The following ANKRD35 variants were observed in gnomAD, a reference collection of about 807,000 sequenced individuals.
The protein encoded by ANKRD35 is ankyrin repeat domain 35.
Under a neutral mutation model 109.9 loss-of-function variants are expected in ANKRD35, and 102 were observed. The observed-to-expected ratio is 0.93, with a 90% CI of 0.79 to 1.09. The LOEUF is 1.09. Among genes scored for constraint, ANKRD35 ranks in the 50% least tolerant of loss-of-function variants. The pLI, the probability that ANKRD35 is intolerant of heterozygous loss-of-function variation, is 0.00. For missense variants in ANKRD35, 1,240 were observed against 1,230.1 expected (o/e 1.01, Z -0.12); for synonymous variants, 515 against 512.4 (o/e 1.01, Z -0.07).
chr1:145,868,189 T>C, intron 11 of ANKRD35, 122 bp downstream of exon 11: 1 of 1,461,746 alleles, frequency 6.8e-7, no homozygotes. Flanking sequence ...GACCACTGCC[T>C]AGCCAGGCCT....
chr1:145,874,360 A>G (rs1553739651), intron 8 of ANKRD35, among the ~76,000 whole-genome samples, 168 bp from the exon 9 acceptor site: 1 of 152,202 alleles, frequency 6.6e-6, no homozygotes, highest in Non-Finnish European at 1.5e-5. Flanking sequence ...ATCCCTAACT[A>G]TCCAGCAACT....
rs782659465 is a variant in ANKRD35, at chr1:145,872,815, G to T, written c.1954C>A (p.Leu652Met). ...QRELQSLSQR[L>M]QREFVPKPQA... ...GGCTTGGGCACAAACTCCCGCTGCA[G>T]CCGCTGGCTCAGGGACTGTAGCTCC... Residue 652 changes from leucine (L) to methionine (M), a missense_variant, in exon 10 of 14, where the codon CTG becomes ATG. Physicochemically the swap from Leu to Met is conservative, Grantham distance 15. Coordinates refer to ENST00000355594, the MANE Select transcript of ANKRD35 (RefSeq NM_144698.5). The T allele has an allele frequency of 2.4e-5, 38 of 1,613,896 alleles. No individual in the cohort carries two copies. The highest frequency in any genetic ancestry group is 3.0e-5 in the Non-Finnish European group (35 of 1,179,958).
chr1:145,876,072 T>C, intron 7 of ANKRD35, 68 bp downstream of exon 7: 2 of 1,361,650 alleles, frequency 1.5e-6, no homozygotes, highest in South Asian at 2.4e-5. Flanking sequence ...CACACACACG[T>C]TGCCCACTGG....
Position 145,876,251 on chromosome 1 carries a change from AC to A in ANKRD35, c.454-6del. 1.2e-6 allele frequency: 2 copies of A among 1,609,316 alleles called. No individual in the cohort carries two copies. Among genetic ancestry groups the A allele is most frequent in the Non-Finnish European group, 1.7e-6 (2 of 1,176,326 alleles). On this transcript the variant is annotated splice_region_variant and splice_polypyrimidine_tract_variant and intron_variant, in intron 6 of 13. Coordinates refer to ENST00000355594, the MANE Select transcript of ANKRD35 (RefSeq NM_144698.5). ...CATCAGGGGTGTACGTCCATCCTGC[AC>A]AGATTGTAGGAAGAGGTTCATGAGC...
rs150752253 is a variant in ANKRD35, at chr1:145,876,222, C to G, written c.478G>C (p.Ala160Pro). ...DNDGRTPLMI[A>P]SLGGHAAICS... ...ATAGCTGCGTGCCCACCCAGCGATG[C>G]GATCATCAGGGGTGTACGTCCATCC... The change falls in exon 7 of 14, where the codon GCA becomes CCA. Residue 160 changes from alanine to proline, a missense_variant. By Grantham distance (27) the Ala-to-Pro change is conservative (BLOSUM62 -1). Coordinates refer to ENST00000355594, the MANE Select transcript of ANKRD35 (RefSeq NM_144698.5). 3.1e-6 allele frequency: 5 copies of G among 1,613,648 alleles called. No homozygotes were observed. Among genetic ancestry groups the G allele is most frequent in the Non-Finnish European group, 4.2e-6 (5 of 1,179,854 alleles).
chr1:145,883,714 A>C (rs1654380337), intron 1 of ANKRD35, among the ~76,000 whole-genome samples: 1 of 152,194 alleles, frequency 6.6e-6, no homozygotes, highest in South Asian at 2.1e-4. Flanking sequence ...AAAGACTGCC[A>C]CACTACTTCT....
chr1:145,874,951 G>T lies in ANKRD35; in HGVS notation c.616C>A (p.Leu206Met). 1 of 1,613,252 alleles carries T rather than the reference G, an allele frequency of 6.2e-7. No homozygotes were observed. Among genetic ancestry groups the T allele is most frequent in the African/African-American group, 1.3e-5 (1 of 75,010 alleles). The change falls in exon 8 of 14, where the codon CTG becomes ATG. Residue 206 changes from leucine to methionine, a missense_variant. Leu to Met is a conservative substitution (Grantham distance 15, BLOSUM62 2). Coordinates refer to ENST00000355594, the MANE Select transcript of ANKRD35 (RefSeq NM_144698.5). ...KGSAEVAELL[L>M]SHGADAGAVD... ...GCCCCCGCGTCAGCTCCGTGGCTCA[G>T]GAGCAGTTCAGCCACCTCGGCACTG...
rs148620847 is a variant in ANKRD35 at position 145,872,070 on chromosome 1, C to T, written c.2699G>A (p.Gly900Glu). 3,311 of 1,613,652 alleles carry T rather than the reference C, an allele frequency of 2.1e-3. 6 individuals carry two copies. Among genetic ancestry groups the T allele is most frequent in the Non-Finnish European group, 2.5e-3 (2,912 of 1,179,886 alleles). The change falls in exon 10 of 14, where the codon GGG becomes GAG. Residue 900 changes from glycine (G) to glutamate (E), a missense_variant. Physicochemically the swap from Gly to Glu is moderately conservative, Grantham distance 98 (BLOSUM62 -2). Transcript: ENST00000355594. ...EQERQASEMR[G>E]RSEQFEKTAE... ...CGTTTTCTCAAACTGCTCGGAGCGC[C>T]CCCGCATCTCGCTGGCCTGGCGCTC...
At chr1:145,884,112 A>G (rs1654395289) in intron 1 of ANKRD35, among the ~76,000 whole-genome samples, 1 of 152,190 alleles carries the variant, frequency 6.6e-6, no homozygotes, top group Non-Finnish European at 1.5e-5. Flanking sequence ...AAAGAATGAA[A>G]TAGTTTCCCC....
intron 1 of ANKRD35, 110 bp downstream of exon 1, chr1:145,885,610 G>T: frequency 7.7e-7 from 1 of 1,304,150 alleles, no homozygotes; most frequent in Non-Finnish European, 1.1e-6. Flanking sequence ...AGAAGAGCTA[G>T]AAAGACTGAT....
chr1:145,877,379 C>T (rs967466779), intron 4 of ANKRD35, among the ~76,000 whole-genome samples: 19 of 151,926 alleles, frequency 1.3e-4, no homozygotes, highest in Admixed American at 1.1e-3. Context: ...ACTACAGGCA[C>T]GTGCCACCAC....
intron 12 of ANKRD35, 27 bp downstream of exon 12, chr1:145,867,964 C>T: frequency 6.2e-6 from 10 of 1,610,228 alleles, no homozygotes; most frequent in Non-Finnish European, 8.5e-6. Context: ...TATGTCTATA[C>T]CTCCCTCAAA....
rs75505132 is a variant in ANKRD35 at position 145,869,893 on chromosome 1, G to A, written c.2788-1493C>T. On this transcript the variant is annotated intron_variant, in intron 10 of 13. Coordinates refer to ENST00000355594, the MANE Select transcript of ANKRD35 (RefSeq NM_144698.5). ...CCACAATCTCTTTGACTCCTTGGCC[G>A]ATGCTCTTAACTTGGTATCAGATCC... Among the ~76,000 whole-genome samples the A allele has an allele frequency of 8.7e-3, 1,318 of 152,248 alleles. 19 individuals carry two copies. The highest frequency in any genetic ancestry group is 0.058 in the East Asian group (302 of 5,186).
chr1:145,876,060 C>T, intron 7 of ANKRD35, 80 bp downstream of exon 7: 3 of 1,244,532 alleles, frequency 2.4e-6, no homozygotes, highest in Non-Finnish European at 2.3e-6. Flanking sequence ...CACAAACACA[C>T]ACACACACAC....
chr1:145,882,179 C>T (rs1477729265), intron 1 of ANKRD35, among the ~76,000 whole-genome samples: 1 of 151,850 alleles, frequency 6.6e-6, no homozygotes, highest in Non-Finnish European at 1.5e-5. Context: ...TGGTCTCAAT[C>T]TCCTGACCTC....
intron 10 of ANKRD35, among the ~76,000 whole-genome samples, chr1:145,870,090 A>AT (rs35685393): frequency 0.46 from 64,421 of 138,608 alleles, 15,427 homozygotes; most frequent in East Asian, 0.84. Flanking sequence ...AGAGTTCCAA[A>AT]TTTTTTTTTT....
Position 145,875,368 on chromosome 1 carries a change from C to T in ANKRD35, c.561-362G>A, listed in dbSNP as rs1654029692. 2.0e-5 allele frequency among the ~76,000 whole-genome samples: 3 copies of T among 151,994 alleles called. No individual in the cohort carries two copies. The South Asian group carries it at 6.2e-4, about 31-fold the overall frequency. Reference sequence around the variant, plus strand: ...CCATGTTGGTCAGGCTGGTCTTGAACTCCTGACCTCAGGTGATCCACCCTC... The same window carrying T: ...CCATGTTGGTCAGGCTGGTCTTGAATTCCTGACCTCAGGTGATCCACCCTC... On this transcript the variant is annotated intron_variant, in intron 7 of 13. Coordinates refer to ENST00000355594, the MANE Select transcript of ANKRD35 (RefSeq NM_144698.5).
Position 145,872,637 on chromosome 1 carries a change from T to A in ANKRD35, c.2132A>T (p.Asp711Val). The change falls in exon 10 of 14, where the codon GAC (aspartate) becomes GTC (valine). Residue 711 changes from aspartate (D) to valine (V), a missense_variant. Physicochemically the swap from Asp to Val is radical, Grantham distance 152. Coordinates refer to ENST00000355594, the MANE Select transcript of ANKRD35 (RefSeq NM_144698.5). ...TTGTGCACTCCTCTCGCCCACTAGG[T>A]CTGCGGGCAGGCAGTCCCACAGCCC... ...LRGLWDCLPA[D>V]LVGERSAQSK... is the part of the protein sequence containing the mutation. The A allele has an allele frequency of 6.2e-7, 1 of 1,614,028 alleles. No homozygotes were observed. Among genetic ancestry groups the A allele is most frequent in the South Asian group, 1.1e-5 (1 of 91,076 alleles).
At chr1:145,879,158 C>T (rs1013711950) in intron 2 of ANKRD35, 100 bp downstream of exon 2, 2 of 1,363,564 alleles carry the variant, frequency 1.5e-6, no homozygotes, top group Non-Finnish European at 1.9e-6. Flanking sequence ...ATGAAAAGAG[C>T]TCTGAAGTTG....
Sources: allele counts gnomAD v4.1 joint callset (sites outside exome capture counted in the v4.1 genomes callset), GRCh38; gene constraint gnomAD v4.1.1; transcripts MANE v1.5; gene names NCBI Gene and HGNC (gene_info 2026-07-23, HGNC 2026-07-21).